DACH2: variants seen among roughly 807,000 people sequenced by gnomAD.
DACH2 encodes the protein dachshund homolog 2.
Under a neutral mutation model 35.8 loss-of-function variants are expected in DACH2, and 17 were observed. The observed-to-expected ratio is 0.48, with a 90% CI of 0.33 to 0.71. The LOEUF (loss-of-function observed/expected upper bound fraction) is 0.71. Ranked by LOEUF, DACH2 falls within the 30% of genes least tolerant of loss-of-function variation. The pLI is 0.02. For missense variants in DACH2, 469 were observed against 472.7 expected, an observed-to-expected ratio of 0.99 and a Z score of 0.07; for synonymous variants, 195 against 177.3, an observed-to-expected ratio of 1.10 and a Z score of -0.79.
chrX:86,367,315 T>G (rs1202635732), intron 1 of DACH2, among the ~76,000 whole-genome samples: 1 of 111,791 alleles, frequency 8.9e-6, no homozygotes, highest in African/African-American at 3.3e-5. Flanking sequence ...ACTACTGATT[T>G]ATTCTATGAA....
chrX:86,812,382 G>A, intron 7 of DACH2, among the ~76,000 whole-genome samples: 1 of 111,452 alleles, frequency 9.0e-6, no homozygotes, highest in South Asian at 3.7e-4. Flanking sequence ...GTAATGATTA[G>A]ACAACTCTAG....
At chrX:86,454,963 A>G (rs1201228350) in intron 2 of DACH2, among the ~76,000 whole-genome samples, 1 of 110,313 alleles carries the variant, frequency 9.1e-6, no homozygotes, top group Non-Finnish European at 1.9e-5. Context: ...TTTTATGGGG[A>G]CATTTTTGTT....
intron 2 of DACH2, among the ~76,000 whole-genome samples, chrX:86,482,347 C>T (rs1024961104): frequency 8.9e-6 from 1 of 111,806 alleles, no homozygotes; most frequent in Non-Finnish European, 1.9e-5. Context: ...AATAAATTCT[C>T]CAGTTTCCAT....
intron 1 of DACH2, among the ~76,000 whole-genome samples, chrX:86,316,900 G>A (rs1056122176): frequency 2.4e-4 from 26 of 110,473 alleles, no homozygotes; most frequent in African/African-American, 8.3e-4. Context: ...CAGGTGGATC[G>A]CGAGGTCAGA....
At chrX:86,655,043 A>C (rs1296997025) in intron 4 of DACH2, among the ~76,000 whole-genome samples, 1 of 111,706 alleles carries the variant, frequency 9.0e-6, no homozygotes, top group African/African-American at 3.2e-5. Context: ...CTGAGACCAA[A>C]GACTGGGCTT....
At chrX:86,316,896 G>A (rs939025578) in intron 1 of DACH2, among the ~76,000 whole-genome samples, 10 of 110,710 alleles carry the variant, frequency 9.0e-5, no homozygotes, top group Non-Finnish European at 1.9e-4. Context: ...GAGGCAGGTG[G>A]ATCGCGAGGT....
At chrX:86,354,984 G>A (rs1466784781) in intron 1 of DACH2, among the ~76,000 whole-genome samples, 1 of 111,784 alleles carries the variant, frequency 8.9e-6, no homozygotes, top group Non-Finnish European at 1.9e-5. Flanking sequence ...TGTGTGTTTT[G>A]GGGATTTGGT....
chrX:86,400,066 G>A (rs2036392341), intron 2 of DACH2, among the ~76,000 whole-genome samples: 1 of 111,494 alleles, frequency 9.0e-6, no homozygotes, highest in South Asian at 3.8e-4. Flanking sequence ...ATTTCTTGGA[G>A]GCTTTGTTCA....
intron 1 of DACH2, among the ~76,000 whole-genome samples, chrX:86,265,031 A>C (rs936984508): frequency 2.7e-5 from 3 of 111,216 alleles, no homozygotes; most frequent in Non-Finnish European, 5.7e-5. Flanking sequence ...AGGGGTTCGT[A>C]ATCTCCGTGG....
intron 1 of DACH2, among the ~76,000 whole-genome samples, chrX:86,344,341 T>C (rs866226058): frequency 1.1e-5 from 1 of 92,711 alleles, no homozygotes; most frequent in African/African-American, 3.9e-5. Context: ...TATATATATA[T>C]ATACACACAC....
chrX:86,650,153 A>G (rs1175955372), intron 3 of DACH2, among the ~76,000 whole-genome samples: 2 of 110,693 alleles, frequency 1.8e-5, no homozygotes, highest in Non-Finnish European at 3.8e-5. Flanking sequence ...TCAAACTTGC[A>G]TATTCACTTT....
intron 1 of DACH2, among the ~76,000 whole-genome samples, chrX:86,217,154 T>C (rs1441459599): frequency 1.8e-5 from 2 of 109,797 alleles, no homozygotes; most frequent in Non-Finnish European, 3.8e-5. Flanking sequence ...TCATTTTTTT[T>C]CAATATGGCA....
At chrX:86,486,117 T>C (rs2038015690) in intron 2 of DACH2, among the ~76,000 whole-genome samples, 1 of 111,224 alleles carries the variant, frequency 9.0e-6, no homozygotes, top group Non-Finnish European at 1.9e-5. Flanking sequence ...TACCCTCATT[T>C]TTACCTGGCA....
intron 2 of DACH2, among the ~76,000 whole-genome samples, chrX:86,493,458 T>C (rs1304077307): frequency 9.0e-6 from 1 of 111,713 alleles, no homozygotes; most frequent in Non-Finnish European, 1.9e-5. Context: ...TTAGCAGTTC[T>C]AAGATTCTTA....
At chrX:86,223,500 A>G (rs1569307585) in intron 1 of DACH2, among the ~76,000 whole-genome samples, 1 of 112,021 alleles carries the variant, frequency 8.9e-6, no homozygotes, top group South Asian at 3.7e-4. Context: ...TTTTGTGCCT[A>G]TAAGTAATCT....
In DACH2 at chrX:86,442,355, TTGTG is replaced by T. The variant is rs780963312; in HGVS notation, c.527+65523_527+65526del. On this transcript the variant is annotated intron_variant, in intron 2 of 11. Coordinates refer to ENST00000373125, the MANE Select transcript of DACH2 (RefSeq NM_053281.3). Reference sequence around the variant, plus strand: ...CTTTTGCTCATTTTTAAGTAGTATTTTGTGTGTGTGTGTGTGTGTGTGTGTGTGT... The same window carrying T: ...CTTTTGCTCATTTTTAAGTAGTATTTTGTGTGTGTGTGTGTGTGTGTGTGT... Among the ~76,000 whole-genome samples the T allele has an allele frequency of 7.0e-3, 497 of 71,305 alleles. 3 individuals are homozygous for T. The highest frequency in any genetic ancestry group is 0.014 in the African/African-American group (260 of 18,175). The allele number at this position is 71,305 out of a possible 115,157, so 61.9% of individuals were successfully genotyped here.
At position 86,712,324 on chromosome X, in the gene DACH2, T is replaced by G. The variant is rs116200610; in HGVS notation, c.932-2224T>G. ...GTATAAAAGTGCATATGTACCTAAG[T>G]AATTTTAGAAGGCTAACTGAAAATA... On this transcript the variant is annotated intron_variant, in intron 5 of 11. Coordinates refer to ENST00000373125, the MANE Select transcript of DACH2 (RefSeq NM_053281.3). Among the ~76,000 whole-genome samples, 979 of 111,647 alleles carry G rather than the reference T, an allele frequency of 8.8e-3. 12 individuals are homozygous for G. Among genetic ancestry groups the G allele is most frequent in the African/African-American group, 0.03 (926 of 30,806 alleles).
chrX:86,342,588 C>T (rs73518172), intron 1 of DACH2, among the ~76,000 whole-genome samples: 124 of 109,736 alleles, frequency 1.1e-3, no homozygotes, highest in African/African-American at 3.8e-3. Flanking sequence ...AGACAGATCA[C>T]TTGATGTAAA....
At chrX:86,273,871 A>G (rs1225444730) in intron 1 of DACH2, among the ~76,000 whole-genome samples, 1 of 112,587 alleles carries the variant, frequency 8.9e-6, no homozygotes, top group African/African-American at 3.2e-5. Flanking sequence ...TCACAGAAAT[A>G]ATATGCTTGT....
Sources: gnomAD v4.1 joint callset for allele counts (sites outside exome capture counted in the v4.1 genomes callset) on GRCh38, gnomAD v4.1.1 for gene constraint, MANE v1.5 for transcripts, NCBI Gene and HGNC (gene_info 2026-07-23, HGNC 2026-07-21) for gene names.